CAMSAP2: variants seen among roughly 807,000 people sequenced by gnomAD.
CAMSAP2 encodes calmodulin regulated spectrin associated protein family member 2.
A neutral mutation model predicts 146.1 loss-of-function variants in CAMSAP2; 26 were observed. That is an observed-to-expected ratio of 0.18 (90% CI 0.13 to 0.25). The LOEUF (loss-of-function observed/expected upper bound fraction) is 0.25. CAMSAP2 is among the 10% of genes least tolerant of loss of function. CAMSAP2 has a pLI of 1.00. For missense variants in CAMSAP2, 1,381 were observed against 1,759.3 expected, an observed-to-expected ratio of 0.78 and a Z score of 3.85; for synonymous variants, 499 against 596.6, an observed-to-expected ratio of 0.84 and a Z score of 2.38.
chr1:200,853,254 T>G lies in CAMSAP2; in HGVS notation c.3603-21T>G. On this transcript the variant is annotated intron_variant, in intron 12 of 16. Coordinates refer to ENST00000358823, the MANE Select transcript of CAMSAP2 (RefSeq NM_203459.4). This position sits in a 1 kb window ranked among gnomAD's most constrained non-coding sequence, Gnocchi z 5.1. ...TGTCTTTGGTATGCAGAATAAGAAC[T>G]GTAACCATTTGATTTCTTAGGCGTA... 1.2e-6 allele frequency: 2 copies of G among 1,603,682 alleles called. No individual in the cohort carries two copies. Among genetic ancestry groups the G allele is most frequent in the Non-Finnish European group, 1.7e-6 (2 of 1,172,368 alleles).
At chr1:200,788,070 C>CAATGG (rs1202312894) in intron 2 of CAMSAP2, among the ~76,000 whole-genome samples, 4 of 152,082 alleles carry the variant, frequency 2.6e-5, no homozygotes, top group African/African-American at 9.7e-5. Flanking sequence ...TGCTTTATTG[C>CAATGG]AATGGAATGG....
intron 4 of CAMSAP2, among the ~76,000 whole-genome samples, chr1:200,822,585 C>T (rs1173180784): frequency 6.6e-6 from 1 of 152,044 alleles, no homozygotes; most frequent in Non-Finnish European, 1.5e-5. Context: ...ATCCATTTAC[C>T]CCTGCTAGAT....
chr1:200,843,897 A>C (rs1667391207), intron 7 of CAMSAP2, among the ~76,000 whole-genome samples: 1 of 151,244 alleles, frequency 6.6e-6, no homozygotes, highest in African/African-American at 2.4e-5. Flanking sequence ...TTTGAGATGG[A>C]GTCTCGCTCT....
intron 1 of CAMSAP2, among the ~76,000 whole-genome samples, chr1:200,751,189 C>T (rs953016596): frequency 2.0e-5 from 3 of 151,746 alleles, no homozygotes; most frequent in Non-Finnish European, 2.9e-5. Flanking sequence ...AGGCATGAGC[C>T]GCCATACCCA....
In CAMSAP2 at chr1:200,748,044, A is replaced by G. The variant is rs973891266; in HGVS notation, c.139+8078A>G. Among the ~76,000 whole-genome samples the G allele has an allele frequency of 9.9e-5, 15 of 151,884 alleles. 1 individual carries two copies. Among genetic ancestry groups the G allele is most frequent in the African/African-American group, 2.4e-4 (10 of 41,448 alleles). ...GCAGTTCTAGGTCTCACATCTATGT[A>G]CCACACCATTCAGAGCTCTTCTCTA... On this transcript the variant is annotated intron_variant, in intron 1 of 16. Coordinates refer to ENST00000358823, the MANE Select transcript of CAMSAP2 (RefSeq NM_203459.4).
chr1:200,772,032 C>T (rs1571737472), intron 2 of CAMSAP2, among the ~76,000 whole-genome samples: 4 of 152,212 alleles, frequency 2.6e-5, no homozygotes, highest in Admixed American at 2.6e-4. Flanking sequence ...CACTTGAGGA[C>T]AGATTTCATT....
chr1:200,818,830 T>A (rs529238803), intron 4 of CAMSAP2, among the ~76,000 whole-genome samples: 9 of 152,216 alleles, frequency 5.9e-5, no homozygotes, highest in Non-Finnish European at 1.3e-4. Context: ...CTCTTTTTAT[T>A]GCTATACAGT....
chr1:200,773,420 G>GT (rs200787890), intron 2 of CAMSAP2, among the ~76,000 whole-genome samples: 24 of 151,644 alleles, frequency 1.6e-4, no homozygotes, highest in Non-Finnish European at 2.7e-4. Flanking sequence ...TGCCTGGCTA[G>GT]TTTTTTTTGT....
At position 200,832,934 on chromosome 1, in the gene CAMSAP2, G is replaced by C; in HGVS notation, c.927+89G>C. On this transcript the variant is annotated intron_variant, in intron 6 of 16. Coordinates refer to ENST00000358823, the MANE Select transcript of CAMSAP2 (RefSeq NM_203459.4). This position sits in a 1 kb window ranked among gnomAD's most constrained non-coding sequence, Gnocchi z 4.2. ...AAAAACACCGGGAACAGTGGCTCAT[G>C]CCTGTAATCCCAGTACTTTGGGAGG... The C allele has an allele frequency of 8.5e-7, 1 of 1,172,644 alleles. No homozygotes were observed. Among genetic ancestry groups the C allele is most frequent in the Non-Finnish European group, 1.2e-6 (1 of 858,858 alleles). 72.6% of individuals were successfully genotyped at this position (1,172,644 alleles called of 1,614,324 possible).
chr1:200,848,138 C>T lies in CAMSAP2; in HGVS notation c.1369C>T (p.Leu457Phe). 1.9e-6 allele frequency: 3 copies of T among 1,613,312 alleles called. No individual in the cohort carries two copies. The highest frequency in any genetic ancestry group is 2.5e-6 in the Non-Finnish European group (3 of 1,179,534). The change falls in exon 11 of 17, where the codon CTT (leucine) becomes TTT (phenylalanine). Residue 457 changes from leucine to phenylalanine, a missense_variant. Coordinates refer to ENST00000358823, the MANE Select transcript of CAMSAP2 (RefSeq NM_203459.4). ...GITRSISNEG[L>F]TLNNSHVSKH... ...CACTCGTTCTATTAGTAATGAAGGA[C>T]TTACTCTGAACAACAGTCATGTATC...
intron 4 of CAMSAP2, among the ~76,000 whole-genome samples, chr1:200,823,567 G>T (rs1666828141): frequency 6.6e-6 from 1 of 152,154 alleles, no homozygotes; most frequent in South Asian, 2.1e-4. Flanking sequence ...TTAGACTGGA[G>T]TTACAGGTTT....
chr1:200,813,770 C>G (rs1666398357), intron 3 of CAMSAP2, among the ~76,000 whole-genome samples: 1 of 151,988 alleles, frequency 6.6e-6, no homozygotes, highest in Non-Finnish European at 1.5e-5. Flanking sequence ...TTACGACTAC[C>G]TGACAATGAA....
chr1:200,806,765 GTATCTATCTATCTATCTATCTATCTATC>G (rs149381434), intron 2 of CAMSAP2, among the ~76,000 whole-genome samples: 1 of 140,118 alleles, frequency 7.1e-6, no homozygotes, highest in Non-Finnish European at 1.5e-5. Context: ...GTGTGTGTGT[GTATCTATCTATCTATCTATCTATCTATC>G]TATCTATCTA....
At position 200,849,114 on chromosome 1, in the gene CAMSAP2, T is replaced by C. The variant is rs752581819; in HGVS notation, c.2345T>C (p.Met782Thr). Residue 782 changes from methionine to threonine, a missense_variant, in exon 11 of 17, where the codon ATG becomes ACG. By Grantham distance (81) the Met-to-Thr change is moderately conservative (BLOSUM62 -1). Around this residue, in one of 4 missense-constraint regions of CAMSAP2, gnomAD observed 560 missense variants for 715.9 expected, o/e 0.78. Coordinates refer to ENST00000358823, the MANE Select transcript of CAMSAP2 (RefSeq NM_203459.4). This position sits in a 1 kb window ranked among gnomAD's most constrained non-coding sequence, Gnocchi z 6.3. ...GCTTTTACCAAACAGAGACAGAAAA[T>C]GGGAAGGACAGCATTCCTTACTGTA... ...EAAFTKQRQK[M>T]GRTAFLTVVK... 6.2e-7 allele frequency: 1 copy of C among 1,613,624 alleles called. No individual in the cohort carries two copies. The highest frequency in any genetic ancestry group is 1.7e-5 in the Admixed American group (1 of 59,966).
At chr1:200,836,095 T>C (rs182187186) in intron 6 of CAMSAP2, among the ~76,000 whole-genome samples, 45 of 152,230 alleles carry the variant, frequency 3.0e-4, no homozygotes, top group African/African-American at 9.9e-4. Flanking sequence ...TTTTTTTTAA[T>C]TCAATCTTAT....
chr1:200,740,428 G>A (rs1664130460), intron 1 of CAMSAP2, among the ~76,000 whole-genome samples: 1 of 152,102 alleles, frequency 6.6e-6, no homozygotes, highest in Non-Finnish European at 1.5e-5. Context: ...TTCAGGCTCC[G>A]TTGGATGTAA....
chr1:200,759,930 G>A (rs1664755960), intron 1 of CAMSAP2, among the ~76,000 whole-genome samples: 1 of 152,182 alleles, frequency 6.6e-6, no homozygotes, highest in Non-Finnish European at 1.5e-5. Context: ...GAAGTATTTT[G>A]TTTCTCTCGT....
intron 2 of CAMSAP2, among the ~76,000 whole-genome samples, chr1:200,798,108 T>C (rs1326256491): frequency 6.7e-6 from 1 of 149,482 alleles, no homozygotes; most frequent in Non-Finnish European, 1.5e-5. Context: ...GGTAGTGTGA[T>C]GCCTCCAGCT....
chr1:200,829,695 G>T (rs1666993293), intron 4 of CAMSAP2, among the ~76,000 whole-genome samples: 1 of 152,174 alleles, frequency 6.6e-6, no homozygotes, highest in African/African-American at 2.4e-5. Context: ...GAGAGGCCAA[G>T]GCAGGTGGAT....
Sources: gnomAD v4.1 joint callset for allele counts (sites outside exome capture counted in the v4.1 genomes callset) on GRCh38, gnomAD v4.1.1 for gene constraint, gnomAD v4.1.1 regional missense constraint, Gnocchi (gnomAD v3.1) non-coding constraint, MANE v1.5 for transcripts, NCBI Gene and HGNC (gene_info 2026-07-23, HGNC 2026-07-21) for gene names.